The following LAT variants were observed in gnomAD, a reference collection of about 807,000 sequenced individuals.
LAT encodes the protein linker for activation of T-cells family member 1.
LAT carries 12 observed loss-of-function variants against 39.1 expected under a neutral mutation model. The observed-to-expected ratio is 0.31, with a 90% CI of 0.20 to 0.50. The LOEUF is 0.50. Ranked by LOEUF, LAT falls within the 20% of genes least tolerant of loss-of-function variation. The pLI is 0.98. For synonymous variants in LAT, 117 were observed against 123.8 expected, an observed-to-expected ratio of 0.95 and a Z score of 0.36; for missense variants, 253 against 308.0, an observed-to-expected ratio of 0.82 and a Z score of 1.34.
chr16:28,986,604 G>C lies in LAT; in HGVS notation c.340+35G>C. On this transcript the variant is annotated intron_variant, in intron 6 of 11. Coordinates refer to ENST00000395456, the MANE Select transcript of LAT (RefSeq NM_001014987.2). This position sits in a 1 kb window ranked among gnomAD's most constrained non-coding sequence, Gnocchi z 5.7. ...GGATCCGAGGTGCCCAGGCTGGGTG[G>C]GGAGTCTGGGGTCCGTCCTGGACTA... The C allele has an allele frequency of 6.2e-7, 1 of 1,613,656 alleles. No homozygotes were observed. The highest frequency in any genetic ancestry group is 1.3e-5 in the African/African-American group (1 of 75,002).
At chr16:28,988,276 C>A (rs1489158873) in intron 8 of LAT, 2 of 152,344 alleles carry the variant, frequency 1.3e-5, no homozygotes. Flanking sequence ...AACAGCACTG[C>A]TGTGTGACAG....
Position 28,986,976 on chromosome 16 carries a change from C to A in LAT, c.493+83C>A. 2 of 1,161,488 alleles carry A rather than the reference C, an allele frequency of 1.7e-6. No homozygotes were observed. The highest frequency in any genetic ancestry group is 1.2e-6 in the Non-Finnish European group (1 of 816,438). The allele number at this position is 1,161,488 out of a possible 1,614,324, so 71.9% of individuals were successfully genotyped here. A position where few individuals can be genotyped will look rare whatever the true frequency, so the allele number is the denominator to read the frequency against. ...TGGTGCCATTGTAGCTCGCTGCAGC[C>A]TTGAACTCCTGGGCTCCAGTGATCC... is the stretch of plus-strand genomic sequence containing the variant. On this transcript the variant is annotated intron_variant, in intron 8 of 11. Coordinates refer to ENST00000395456, the MANE Select transcript of LAT (RefSeq NM_001014987.2). The surrounding 1 kb of genome is among the most constrained non-coding windows in gnomAD (Gnocchi z 5.7).
At position 28,986,271 on chromosome 16, in the gene LAT, C is replaced by G; in HGVS notation, c.245+55C>G. On this transcript the variant is annotated intron_variant, in intron 4 of 11. Transcript: ENST00000395456. The surrounding 1 kb of genome is among the most constrained non-coding windows in gnomAD (Gnocchi z 5.7). The stretch of plus-strand genomic sequence containing the variant: ...AAAGCTCAGCCCCTCCCCCTCCAAA[C>G]TCCACTCTCTACCCCTTCACTTTTT... The G allele has an allele frequency of 1.3e-6, 2 of 1,540,992 alleles. No individual in the cohort carries two copies. The highest frequency in any genetic ancestry group is 1.8e-6 in the Non-Finnish European group (2 of 1,126,968).
intron 8 of LAT, among the ~76,000 whole-genome samples, chr16:28,987,311 C>T (rs1965782238): frequency 6.6e-6 from 1 of 152,174 alleles, no homozygotes; most frequent in Non-Finnish European, 1.5e-5. Flanking sequence ...TTCAACCCTT[C>T]CACTGCAATT....
At position 28,986,239 on chromosome 16, in the gene LAT, C is replaced by T. The variant is rs1327894615; in HGVS notation, c.245+23C>T. ...CCCGTGAGTAGCTGCTCAGCCCCTG[C>T]CCCTCCAAAGCTCAGCCCCTCCCCC... On this transcript the variant is annotated intron_variant, in intron 4 of 11. Transcript: ENST00000395456. This position sits in a 1 kb window ranked among gnomAD's most constrained non-coding sequence, Gnocchi z 5.7. The T allele has an allele frequency of 1.3e-6, 2 of 1,572,268 alleles. No individual in the cohort carries two copies. Among genetic ancestry groups the T allele is most frequent in the South Asian group, 1.2e-5 (1 of 86,412 alleles).
rs774578428 is a variant in LAT, at chr16:28,986,574, G to A, written c.340+5G>A. 3.2e-5 allele frequency: 51 copies of A among 1,613,188 alleles called. No homozygotes were observed. The Middle Eastern group carries it at 1.6e-3, about 52-fold the overall frequency. ...TGGCGAGCTACGAGAACGAGGGTGC[G>A]TCTGGGATCCGAGGTGCCCAGGCTG... On this transcript the variant is annotated splice_donor_5th_base_variant and intron_variant, in intron 6 of 11. Transcript: ENST00000395456. The surrounding 1 kb of genome is among the most constrained non-coding windows in gnomAD (Gnocchi z 5.7).
chr16:28,990,633 T>C lies in LAT; in HGVS notation c.*452T>C, dbSNP rs959887670. On this transcript the variant is annotated 3_prime_UTR_variant, in exon 12 of 12. Transcript: ENST00000395456. Reference sequence around the variant, plus strand: ...TGGCACTGCTGGGGGTGAGGACACATTGCCCCATGAGACAGTCCCAGAACA... The same window carrying C: ...TGGCACTGCTGGGGGTGAGGACACACTGCCCCATGAGACAGTCCCAGAACA... 1 of 199,766 alleles carries C rather than the reference T, an allele frequency of 5.0e-6. No individual in the cohort carries two copies. The highest frequency in any genetic ancestry group is 5.7e-5 in the Admixed American group (1 of 17,666). 12.4% of individuals were successfully genotyped at this position (199,766 alleles called of 1,614,324 possible). A position where few individuals can be genotyped will look rare whatever the true frequency, so the allele number is the denominator to read the frequency against.
chr16:28,990,117 T>C, intron 11 of LAT, 72 bp from the exon 12 acceptor site: 1 of 1,014,578 alleles, frequency 9.9e-7, no homozygotes, highest in Non-Finnish European at 1.5e-6. Flanking sequence ...GGCTTGTCCC[T>C]CTGTCTCTGG....
At chr16:28,989,204 C>T (rs1567532386) in intron 8 of LAT, 1 of 284,036 alleles carries the variant, frequency 3.5e-6, no homozygotes, top group South Asian at 8.1e-5. Flanking sequence ...CTCCGAGCCG[C>T]ACTACATCCC....
intron 8 of LAT, 40 bp from the exon 9 acceptor site, chr16:28,989,487 C>A: frequency 1.9e-6 from 3 of 1,554,784 alleles, no homozygotes; most frequent in South Asian, 1.2e-5. Context: ...GGCCAAGGGT[C>A]TCTGGTCACA....
rs1242888205 is a variant in LAT at position 28,988,616 on chromosome 16, CAGG to C, written c.494-908_494-906del. On this transcript the variant is annotated intron_variant, in intron 8 of 11. Transcript: ENST00000395456. Reference sequence around the variant, plus strand: ...ATCCCAGCTACTCAGGAGGCTGAGGCAGGAGAATTGCTAGAACCGGGAGGCAGA... The same window carrying C: ...ATCCCAGCTACTCAGGAGGCTGAGGCAGAATTGCTAGAACCGGGAGGCAGA... The C allele has an allele frequency of 2.6e-5, 4 of 152,370 alleles. No individual in the cohort carries two copies. In the East Asian group the frequency reaches 7.7e-4, roughly 29 times the overall value. The allele number at this position is 152,370 out of a possible 1,614,324, so 9.4% of individuals were successfully genotyped here. A position where few individuals can be genotyped will look rare whatever the true frequency, so the allele number is the denominator to read the frequency against.
At position 28,985,806 on chromosome 16, in the gene LAT, C is replaced by T. The variant is rs1965735086; in HGVS notation, c.129-48C>T. The T allele has an allele frequency of 1.2e-6, 2 of 1,613,626 alleles. No individual in the cohort carries two copies. The highest frequency in any genetic ancestry group is 1.7e-5 in the Admixed American group (1 of 60,002). On this transcript the variant is annotated intron_variant, in intron 2 of 11. Coordinates refer to ENST00000395456, the MANE Select transcript of LAT (RefSeq NM_001014987.2). The surrounding 1 kb of genome is among the most constrained non-coding windows in gnomAD (Gnocchi z 4.6). ...CATGGCGGGGCAGGGCTGGGGCTTC[C>T]ATCCTCCATCTTCCAGCCCCATCCC...
intron 8 of LAT, among the ~76,000 whole-genome samples, chr16:28,987,157 C>T (rs1283913739): frequency 6.6e-6 from 1 of 152,234 alleles, no homozygotes; most frequent in African/African-American, 2.4e-5. Context: ...GATCCTCCCA[C>T]CTCGGGCTCC....
At position 28,985,651 on chromosome 16, in the gene LAT, A is replaced by T; in HGVS notation, c.101-62A>T. 1 of 1,611,282 alleles carries T rather than the reference A, an allele frequency of 6.2e-7. No homozygotes were observed. ...TCCCAGCGCCTCTGAGAGTCCCTGG[A>T]TCCCAGCACCTTCTGCCCTAAGCAC... On this transcript the variant is annotated intron_variant, in intron 1 of 11. Transcript: ENST00000395456. The surrounding 1 kb of genome is among the most constrained non-coding windows in gnomAD (Gnocchi z 4.6).
chr16:28,986,556 C>A lies in LAT; in HGVS notation c.327C>A (p.Ser109Arg). The A allele has an allele frequency of 6.2e-7, 1 of 1,612,164 alleles. No individual in the cohort carries two copies. Residue 109 changes from serine (S) to arginine (R), a missense_variant, in exon 6 of 12, where the codon AGC becomes AGA. Physicochemically the swap from Ser to Arg is moderately radical, Grantham distance 110 (BLOSUM62 -1). Coordinates refer to ENST00000395456, the MANE Select transcript of LAT (RefSeq NM_001014987.2). This position sits in a 1 kb window ranked among gnomAD's most constrained non-coding sequence, Gnocchi z 5.7. ...RDSDGANSVA[S>R]YENEEPACED... ...TCTTTGAAGCCAACAGTGTGGCGAG[C>A]TACGAGAACGAGGGTGCGTCTGGGA...
At position 28,985,103 on chromosome 16, in the gene LAT, C is replaced by A; in HGVS notation, c.-315C>A. 7.0e-7 allele frequency: 1 copy of A among 1,427,188 alleles called. No homozygotes were observed. Among genetic ancestry groups the A allele is most frequent in the Non-Finnish European group, 9.1e-7 (1 of 1,095,938 alleles). 88.4% of individuals were successfully genotyped at this position (1,427,188 alleles called of 1,614,324 possible). On this transcript the variant is annotated 5_prime_UTR_variant, in exon 1 of 12. Transcript: ENST00000395456. The surrounding 1 kb of genome is among the most constrained non-coding windows in gnomAD (Gnocchi z 4.6). ...AGGGCGGGCACGGAGAGGCGGGCGC[C>A]GAGGAGGGGCAGGTAGGGCTGGGAC...
Position 28,985,517 on chromosome 16 carries a change from G to C in LAT, c.100G>C (p.Gly34Arg). Residue 34 changes from glycine (G) to arginine (R), a missense_variant and splice_region_variant, in exon 1 of 12, where the codon GGC becomes CGC. By Grantham distance (125) the Gly-to-Arg change is moderately radical. Transcript: ENST00000395456. The surrounding 1 kb of genome is among the most constrained non-coding windows in gnomAD (Gnocchi z 4.6). ...GTGTGTGCACTGCCACAGACTGCCA[G>C]GTGAGTGGGAAACTGGTGGGGGTAC... ...ALCVHCHRLP[G>R]SYDSTSSDSL... 3.7e-6 allele frequency: 6 copies of C among 1,613,274 alleles called. No individual in the cohort carries two copies. The highest frequency in any genetic ancestry group is 5.1e-6 in the Non-Finnish European group (6 of 1,179,618).
At position 28,989,511 on chromosome 16, in the gene LAT, C is replaced by T. The variant is rs771623836; in HGVS notation, c.494-16C>T. The T allele has an allele frequency of 6.3e-6, 10 of 1,596,592 alleles. No individual in the cohort carries two copies. The highest frequency in any genetic ancestry group is 1.7e-5 in the Admixed American group (1 of 58,004). On this transcript the variant is annotated splice_polypyrimidine_tract_variant and intron_variant, in intron 8 of 11. Transcript: ENST00000395456. ...TCTCTGGTCACAGTGCCGAGGTGGG[C>T]CTGGCTTTTCCACAGTGGAGTCCAT...
chr16:28,990,003 G>A lies in LAT; in HGVS notation c.693G>A (p.Glu231=). ...EGAPDYENLQ[E]LN ...CTCCAGATTACGAGAATCTGCAGGA[G>A]CTGAACTGAGGGCCTGGTGAGAGGC... The change falls in exon 11 of 12, where the codon GAG becomes GAA. Residue 231 remains glutamate, a synonymous_variant. Coordinates refer to ENST00000395456, the MANE Select transcript of LAT (RefSeq NM_001014987.2). The A allele has an allele frequency of 6.2e-7, 1 of 1,613,370 alleles. No individual in the cohort carries two copies. The highest frequency in any genetic ancestry group is 1.1e-5 in the South Asian group (1 of 90,998).
Sources: allele counts gnomAD v4.1 joint callset (sites outside exome capture counted in the v4.1 genomes callset), GRCh38; gene constraint gnomAD v4.1.1; non-coding constraint Gnocchi (gnomAD v3.1); transcripts MANE v1.5; gene names NCBI Gene and HGNC (gene_info 2026-07-23, HGNC 2026-07-21).